CERS3: variants seen among roughly 807,000 people sequenced by gnomAD.
CERS3 encodes ceramide synthase 3.
A neutral mutation model predicts 50.3 loss-of-function variants in CERS3; 33 were observed. The ratio of observed to expected loss-of-function variants is 0.66; its 90% confidence interval spans 0.50 to 0.88. The LOEUF is 0.88. Ranked by LOEUF, CERS3 falls within the 40% of genes least tolerant of loss-of-function variation. The pLI, the probability that CERS3 is intolerant of heterozygous loss-of-function variation, is 0.00. For missense variants in CERS3, 470 were observed against 460.3 expected (o/e 1.02, Z -0.19); for synonymous variants, 176 against 155.2 (o/e 1.13, Z -0.99).
At chr15:100,544,232 A>G (rs924213463) in intron 1 of CERS3, 4 of 152,356 alleles carry the variant, frequency 2.6e-5, no homozygotes, top group African/African-American at 9.6e-5. Context: ...ACCGCTGGGC[A>G]CTGTCGCCCT....
At chr15:100,490,172 G>C (rs2035609284) in intron 4 of CERS3, among the ~76,000 whole-genome samples, 1 of 152,090 alleles carries the variant, frequency 6.6e-6, no homozygotes, top group Admixed American at 6.6e-5. Flanking sequence ...GACTTACTTA[G>C]ACATTATTTT....
At chr15:100,512,176 G>A (rs2036363215) in intron 2 of CERS3, among the ~76,000 whole-genome samples, 1 of 152,328 alleles carries the variant, frequency 6.6e-6, no homozygotes, top group Admixed American at 6.5e-5. Flanking sequence ...GCTTGGGCCA[G>A]TTGTCAAGTT....
intron 11 of CERS3, among the ~76,000 whole-genome samples, chr15:100,428,657 C>T (rs1344729282): frequency 6.6e-6 from 1 of 152,220 alleles, no homozygotes; most frequent in Non-Finnish European, 1.5e-5. Flanking sequence ...TCAAAAAATC[C>T]TTTTAATACC....
At chr15:100,536,369 C>CA (rs1447927213) in intron 1 of CERS3, among the ~76,000 whole-genome samples, 1 of 152,186 alleles carries the variant, frequency 6.6e-6, no homozygotes, top group Admixed American at 6.5e-5. Context: ...ACTGCAACCT[C>CA]AACCTCCTGG....
intron 1 of CERS3, among the ~76,000 whole-genome samples, chr15:100,537,817 G>A (rs542564525): frequency 7.9e-5 from 12 of 152,136 alleles, no homozygotes; most frequent in Non-Finnish European, 1.8e-4. Context: ...CTTCTCAGTA[G>A]TTCCCCAAAG....
At chr15:100,434,355 T>G (rs2033291391) in intron 11 of CERS3, among the ~76,000 whole-genome samples, 1 of 152,200 alleles carries the variant, frequency 6.6e-6, no homozygotes, top group Non-Finnish European at 1.5e-5. Context: ...CACAGCCCCT[T>G]TGAGCACCCA....
intron 10 of CERS3, among the ~76,000 whole-genome samples, chr15:100,465,349 T>A (rs1210111140): frequency 6.6e-6 from 1 of 152,194 alleles, no homozygotes; most frequent in Admixed American, 6.5e-5. Flanking sequence ...TACAGAGTTA[T>A]AAGTTTTAGA....
intron 11 of CERS3, among the ~76,000 whole-genome samples, chr15:100,421,069 G>A (rs1270179244): frequency 1.3e-5 from 2 of 149,398 alleles, no homozygotes; most frequent in African/African-American, 5.0e-5. Context: ...CATAGTGTTG[G>A]AAGTTCTGGC....
intron 11 of CERS3, among the ~76,000 whole-genome samples, chr15:100,444,575 T>C (rs2033852322): frequency 6.6e-6 from 1 of 152,222 alleles, no homozygotes; most frequent in African/African-American, 2.4e-5. Context: ...TTAGAACCTC[T>C]CATTTCCTTT....
At chr15:100,486,188 G>C (rs1306993052) in intron 4 of CERS3, among the ~76,000 whole-genome samples, 1 of 152,236 alleles carries the variant, frequency 6.6e-6, no homozygotes, top group Non-Finnish European at 1.5e-5. Context: ...AATAAAGCCT[G>C]CCTGTGGGCC....
intron 11 of CERS3, among the ~76,000 whole-genome samples, chr15:100,439,973 G>A (rs959844165): frequency 2.0e-5 from 3 of 152,184 alleles, no homozygotes; most frequent in Non-Finnish European, 4.4e-5. Flanking sequence ...TTAGAGATCA[G>A]ACATAGGAAA....
At position 100,402,747 on chromosome 15, in the gene CERS3, C is replaced by T. The variant is rs115420351; in HGVS notation, c.1118G>A (p.Arg373Lys). The part of the protein sequence containing the change: ...DCLKNGLRAE[R>K]HLIPNGQHGH ...ATGCTGGCCATTGGGAATGAGGTGCCTCTCAGCCCTGAGGCCGTTCTTTAA... is the reference window on the plus strand; with the variant it reads ...ATGCTGGCCATTGGGAATGAGGTGCTTCTCAGCCCTGAGGCCGTTCTTTAA... Residue 373 changes from arginine (R) to lysine (K), a missense_variant, in exon 12 of 12, where the codon AGG (arginine) becomes AAG (lysine). Arg to Lys is a conservative substitution (Grantham distance 26, BLOSUM62 2). Transcript: ENST00000679737. 1.0e-3 allele frequency: 1,638 copies of T among 1,614,162 alleles called. 14 individuals are homozygous for T. In the African/African-American group the frequency reaches 0.019, roughly 19 times the overall value.
At chr15:100,445,837 C>A (rs1382012024) in intron 11 of CERS3, among the ~76,000 whole-genome samples, 1 of 152,160 alleles carries the variant, frequency 6.6e-6, no homozygotes, top group Non-Finnish European at 1.5e-5. Flanking sequence ...CCATCATATC[C>A]CCTGTGACCT....
intron 11 of CERS3, among the ~76,000 whole-genome samples, chr15:100,434,937 T>C (rs1310162500): frequency 6.6e-6 from 1 of 151,632 alleles, no homozygotes; most frequent in African/African-American, 2.4e-5. Flanking sequence ...ATGTCAGAGT[T>C]TCTTGTACTT....
intron 2 of CERS3, among the ~76,000 whole-genome samples, chr15:100,517,918 G>C (rs1365082977): frequency 2.0e-5 from 3 of 152,196 alleles, no homozygotes; most frequent in Non-Finnish European, 4.4e-5. Context: ...AGAAAAGTTA[G>C]AGCAATATCT....
At chr15:100,466,853 C>T (rs145663546) in intron 10 of CERS3, among the ~76,000 whole-genome samples, 13,212 of 104,608 alleles carry the variant, frequency 0.13, 2,346 homozygotes, top group Non-Finnish European at 0.17. Flanking sequence ...CTCTCTTTCT[C>T]TCTTTCTTTC....
At chr15:100,520,035 T>C (rs2036597948) in intron 2 of CERS3, among the ~76,000 whole-genome samples, 1 of 152,130 alleles carries the variant, frequency 6.6e-6, no homozygotes, top group African/African-American at 2.4e-5. Flanking sequence ...CTTTCCAGAC[T>C]TGCTAGGTGA....
chr15:100,424,395 A>G (rs1596636289), intron 11 of CERS3, among the ~76,000 whole-genome samples: 1 of 152,342 alleles, frequency 6.6e-6, no homozygotes, highest in South Asian at 2.1e-4. Context: ...AGAAGATGAC[A>G]GGAAAGTGAG....
At chr15:100,437,414 A>C (rs1023296615) in intron 11 of CERS3, among the ~76,000 whole-genome samples, 3 of 152,168 alleles carry the variant, frequency 2.0e-5, no homozygotes, top group Non-Finnish European at 2.9e-5. Flanking sequence ...TAACATGTTG[A>C]CATCTACGAG....
Sources: gnomAD v4.1 joint callset for allele counts (sites outside exome capture counted in the v4.1 genomes callset) on GRCh38, gnomAD v4.1.1 for gene constraint, MANE v1.5 for transcripts, NCBI Gene and HGNC (gene_info 2026-07-23, HGNC 2026-07-21) for gene names.